Variants in MAPK6 observed in about 807,000 individuals in gnomAD.
MAPK6 encodes ERK-3.
A neutral mutation model predicts 59.3 loss-of-function variants in MAPK6; 19 were observed. That is an observed-to-expected ratio of 0.32 (90% CI 0.22 to 0.47). MAPK6 has a LOEUF of 0.47. Ranked by LOEUF, MAPK6 falls within the 20% of genes least tolerant of loss-of-function variation. The pLI, the probability that MAPK6 is intolerant of heterozygous loss-of-function variation, is 1.00. For synonymous variants in MAPK6, 316 were observed against 290.3 expected, an observed-to-expected ratio of 1.09 and a Z score of -0.90; for missense variants, 724 against 847.9, an observed-to-expected ratio of 0.85 and a Z score of 1.81.
chr15:52,037,177 G>C (rs2031272031), intron 1 of MAPK6, among the ~76,000 whole-genome samples: 1 of 152,146 alleles, frequency 6.6e-6, no homozygotes, highest in African/African-American at 2.4e-5. Context: ...TGTGCCTATA[G>C]TCCCAGCTAC....
At position 52,064,830 on chromosome 15, in the gene MAPK6, G is replaced by A. The variant is rs771100536; in HGVS notation, c.1996G>A (p.Gly666Arg). Residue 666 changes from glycine (G) to arginine (R), a missense_variant, in exon 6 of 6, where the codon GGG becomes AGG. Around this residue, in one of 4 missense-constraint regions of MAPK6, gnomAD observed 502 missense variants for 507.6 expected, o/e 0.99. Transcript: ENST00000261845. ...GHEEGFLNNS[G>R]EFLFNKQLES... ...TGAGGAAGGATTTCTGAACAACAGT[G>A]GGGAGTTCCTCTTTAACAAGCAGCT... The A allele has an allele frequency of 1.8e-5, 29 of 1,611,812 alleles. No homozygotes were observed. In the South Asian group the frequency reaches 3.0e-4, roughly 16 times the overall value.
At chr15:52,012,080 A>G (rs2030072621) in intron 3 of MAPK6, among the ~76,000 whole-genome samples, 3 of 152,132 alleles carry the variant, frequency 2.0e-5, no homozygotes, top group Admixed American at 2.0e-4. Flanking sequence ...TATCCAAAAC[A>G]ATCCTTTCTT....
At chr15:52,056,439 G>A (rs1018147794) in intron 3 of MAPK6, among the ~76,000 whole-genome samples, 3 of 151,840 alleles carry the variant, frequency 2.0e-5, no homozygotes, top group Admixed American at 6.6e-5. Flanking sequence ...CTTCTCAAAA[G>A]ATGCGTGCAT....
exon 1 of MAPK6, chr15:51,971,905 G>T: frequency 1.4e-6 from 1 of 703,442 alleles, no homozygotes; most frequent in Non-Finnish European, 2.5e-6. Context: ...GTTCTCGCCT[G>T]GGTATGCATG....
chr15:52,010,514 C>CTT (rs762352581), intron 3 of MAPK6, among the ~76,000 whole-genome samples: 195 of 91,794 alleles, frequency 2.1e-3, no homozygotes, highest in Non-Finnish European at 2.7e-3. Context: ...TGCACCCAGC[C>CTT]TTTTTTTTTT....
rs537289987 is a variant in MAPK6, at chr15:52,064,609, C to T, written c.1775C>T (p.Ser592Phe). 9 of 1,611,830 alleles carry T rather than the reference C, an allele frequency of 5.6e-6. No individual in the cohort carries two copies. Among genetic ancestry groups the T allele is most frequent in the Non-Finnish European group, 7.6e-6 (9 of 1,179,738 alleles). ...LAQLEALYQSSWDSQFVSGGE... is the reference protein window; with the variant it reads ...LAQLEALYQSFWDSQFVSGGE... ...CAATTAGAAGCCTTGTACCAGTCTT[C>T]TTGGGACAGCCAGTTTGTGAGTGGT... is the stretch of plus-strand genomic sequence containing the variant. The change falls in exon 6 of 6, where the codon TCT becomes TTT. Residue 592 changes from serine to phenylalanine, a missense_variant. Transcript: ENST00000261845.
Position 52,064,286 on chromosome 15 carries a change from A to G in MAPK6, c.1452A>G (p.Lys484=). Residue 484 remains lysine (K), a synonymous_variant, in exon 6 of 6, where the codon AAA becomes AAG. Coordinates refer to ENST00000261845, the MANE Select transcript of MAPK6 (RefSeq NM_002748.4). The stretch of plus-strand genomic sequence containing the variant: ...TTTCCAATTGGAAAGAACAAAGCAA[A>G]GAAAAATCTGATAAGAAAGGCAAAT... ...IDLSNWKEQS[K]EKSDKKGKSK... The G allele has an allele frequency of 6.2e-7, 1 of 1,610,364 alleles. No homozygotes were observed. Among genetic ancestry groups the G allele is most frequent in the East Asian group, 2.2e-5 (1 of 44,826 alleles).
chr15:52,001,920 T>C (rs1399581856), intron 2 of MAPK6, among the ~76,000 whole-genome samples: 1 of 152,006 alleles, frequency 6.6e-6, no homozygotes, highest in Non-Finnish European at 1.5e-5. Flanking sequence ...CCCTGTCCCA[T>C]GTGTCAGAGT....
chr15:52,026,958 G>C (rs1031250951), intron 1 of MAPK6, among the ~76,000 whole-genome samples: 10 of 151,868 alleles, frequency 6.6e-5, no homozygotes, highest in Non-Finnish European at 1.3e-4. Context: ...GCCCAGGCAG[G>C]AGAATCGCTT....
chr15:52,059,655 C>T (rs182563791), intron 4 of MAPK6, among the ~76,000 whole-genome samples: 5 of 152,304 alleles, frequency 3.3e-5, no homozygotes, highest in Non-Finnish European at 7.4e-5. Context: ...GAATCTTTTT[C>T]GTACCCTCAT....
intron 3 of MAPK6, among the ~76,000 whole-genome samples, chr15:52,053,514 A>G (rs2141103262): frequency 6.6e-6 from 1 of 152,266 alleles, no homozygotes; most frequent in Admixed American, 6.5e-5. Flanking sequence ...CTGAATACAA[A>G]TATTTTGTGA....
intron 3 of MAPK6, among the ~76,000 whole-genome samples, chr15:52,054,747 CACATAT>C (rs1033645069): frequency 5.3e-5 from 8 of 149,952 alleles, no homozygotes; most frequent in Admixed American, 2.6e-4. Flanking sequence ...CACACACACA[CACATAT>C]ACACATACAT....
chr15:52,048,516 C>G (rs1192557847), intron 2 of MAPK6, among the ~76,000 whole-genome samples: 1 of 152,088 alleles, frequency 6.6e-6, no homozygotes, highest in Non-Finnish European at 1.5e-5. Flanking sequence ...ACTCGGGAGG[C>G]TGAAGCAGGA....
upstream of MAPK6, among the ~76,000 whole-genome samples, chr15:52,016,958 C>T (rs188781400): frequency 7.9e-5 from 12 of 152,168 alleles, no homozygotes; most frequent in South Asian, 8.3e-4. Context: ...GCGGGGGAAT[C>T]GCTTGAGCAG....
At chr15:52,052,993 C>T (rs2031829920) in intron 3 of MAPK6, among the ~76,000 whole-genome samples, 2 of 152,072 alleles carry the variant, frequency 1.3e-5, no homozygotes, top group Admixed American at 6.6e-5. Context: ...TACATTCCCA[C>T]CACCAATGCA....
intron 1 of MAPK6, among the ~76,000 whole-genome samples, chr15:51,982,759 A>G (rs1362952757): frequency 6.6e-6 from 1 of 152,236 alleles, no homozygotes; most frequent in Non-Finnish European, 1.5e-5. Context: ...TCTGATTTGT[A>G]TGCATCTGCT....
chr15:52,066,683 A>C lies in MAPK6; in HGVS notation c.*1683A>C, dbSNP rs2032430402. 1 of 151,804 alleles carries C rather than the reference A, an allele frequency of 6.6e-6. No individual in the cohort carries two copies. Among genetic ancestry groups the C allele is most frequent in the African/African-American group, 2.4e-5 (1 of 41,344 alleles). 9.4% of individuals were successfully genotyped at this position (151,804 alleles called of 1,614,324 possible). On this transcript the variant is annotated 3_prime_UTR_variant, in exon 6 of 6. Transcript: ENST00000261845. ...CTTTTCTTTCATCCTTGTTTTGTAC[A>C]ACACCAATTCTATTAATATCTGCCC...
At chr15:52,016,070 GCACACACACACACA>G (rs1175427042), upstream of MAPK6, among the ~76,000 whole-genome samples, 5 of 55,442 alleles carry the variant, frequency 9.0e-5, no homozygotes, top group South Asian at 2.2e-3. Flanking sequence ...GCGCGCGCGC[GCACACACACACACA>G]CACACACACA....
chr15:52,058,807 C>T lies in MAPK6; in HGVS notation c.865+10C>T, dbSNP rs1259253591. ...GGAATTAGTCGAGAAGGTATTGTGA[C>T]TCGAGAGTAACCCTCACGTTAATGC... On this transcript the variant is annotated intron_variant, in intron 4 of 5. Transcript: ENST00000261845. 1.9e-6 allele frequency: 3 copies of T among 1,603,436 alleles called. No individual in the cohort carries two copies. The highest frequency in any genetic ancestry group is 2.6e-6 in the Non-Finnish European group (3 of 1,173,816).
Sources: allele counts gnomAD v4.1 joint callset (sites outside exome capture counted in the v4.1 genomes callset), GRCh38; gene constraint gnomAD v4.1.1; regional missense constraint gnomAD v4.1.1; transcripts MANE v1.5; gene names NCBI Gene and HGNC (gene_info 2026-07-23, HGNC 2026-07-21).